The following RFX8 variants were observed in gnomAD, a reference collection of about 807,000 sequenced individuals.
RFX8 encodes the protein DNA-binding protein RFX8.
Under a neutral mutation model 54.6 loss-of-function variants are expected in RFX8, and 46 were observed. That is an observed-to-expected ratio of 0.84 (90% confidence interval 0.67 to 1.08). The LOEUF (loss-of-function observed/expected upper bound fraction) is 1.08. Among genes scored for constraint, RFX8 ranks in the 50% least tolerant of loss-of-function variants. The pLI is 0.00. For synonymous variants in RFX8, 192 were observed against 209.5 expected, an observed-to-expected ratio of 0.92 and a Z score of 0.72; for missense variants, 536 against 562.3, an observed-to-expected ratio of 0.95 and a Z score of 0.47.
chr2:101,458,060 T>C (rs1411320998), intron 2 of RFX8, among the ~76,000 whole-genome samples: 1 of 152,174 alleles, frequency 6.6e-6, no homozygotes, highest in African/African-American at 2.4e-5. Flanking sequence ...TTGCATTTGC[T>C]TGGTAGATCT....
intron 9 of RFX8, among the ~76,000 whole-genome samples, chr2:101,408,281 G>T (rs13409413): frequency 3.3e-5 from 5 of 151,980 alleles, no homozygotes; most frequent in East Asian, 1.9e-4. Context: ...GTCAGGAGAT[G>T]GAGACCATCC....
chr2:101,425,420 C>A (rs1482110567), intron 2 of RFX8, among the ~76,000 whole-genome samples: 1 of 152,148 alleles, frequency 6.6e-6, no homozygotes, highest in Non-Finnish European at 1.5e-5. Flanking sequence ...CTTCTGCATG[C>A]CCATGTTGAG....
chr2:101,397,754 G>A, intron 11 of RFX8, 30 bp from the exon 12 acceptor site: 1 of 1,516,434 alleles, frequency 6.6e-7, no homozygotes. Flanking sequence ...TAAGGGAAAA[G>A]ATAAAAAGAG....
At chr2:101,460,743 C>CT (rs1197006275) in intron 2 of RFX8, among the ~76,000 whole-genome samples, 163 of 140,902 alleles carry the variant, frequency 1.2e-3, no homozygotes, top group Middle Eastern at 3.6e-3. Flanking sequence ...CTCTTTCTTT[C>CT]TTTTTTTTTT....
At chr2:101,424,259 A>G (rs1573399121) in intron 2 of RFX8, among the ~76,000 whole-genome samples, 2 of 152,232 alleles carry the variant, frequency 1.3e-5, no homozygotes, top group South Asian at 4.1e-4. Flanking sequence ...CAACAGACAC[A>G]TGAAAAAATG....
Position 101,414,941 on chromosome 2 carries a change from A to G in RFX8, c.503-29T>C, listed in dbSNP as rs531816533. The G allele has an allele frequency of 1.5e-5, 23 of 1,512,560 alleles. 1 individual carries two copies. In the South Asian group the frequency reaches 2.6e-4, roughly 17 times the overall value. The allele number at this position is 1,512,560 out of a possible 1,614,324, so 93.7% of individuals were successfully genotyped here. ...TTAAGAACAACACACGTGGCCATTA[A>G]TACAATAACTTCAAGTTCTCATGTG... On this transcript the variant is annotated intron_variant, in intron 6 of 11. Coordinates refer to ENST00000428343, the MANE Select transcript of RFX8 (RefSeq NM_001145664.2).
At chr2:101,417,920 T>C (rs1686628366) in intron 5 of RFX8, among the ~76,000 whole-genome samples, 1 of 152,182 alleles carries the variant, frequency 6.6e-6, no homozygotes, top group Admixed American at 6.5e-5. Context: ...AGACGGAGTC[T>C]TGTTCTGTCA....
rs151110808 is a variant in RFX8, at chr2:101,465,818, C to T, written c.72+959G>A. The stretch of plus-strand genomic sequence containing the variant: ...AACAGTAGCCAAAAAAAGGTAAGCG[C>T]TCTTGACCTTTGAGCACATCTGAGG... On this transcript the variant is annotated intron_variant, in intron 2 of 11. Coordinates refer to ENST00000428343, the MANE Select transcript of RFX8 (RefSeq NM_001145664.2). 1.6e-4 allele frequency among the ~76,000 whole-genome samples: 25 copies of T among 152,238 alleles called. No homozygotes were observed. The East Asian group carries it at 4.6e-3, about 28-fold the overall frequency.
At chr2:101,467,492 T>C (rs1225423324) in intron 1 of RFX8, among the ~76,000 whole-genome samples, 1 of 152,162 alleles carries the variant, frequency 6.6e-6, no homozygotes, top group African/African-American at 2.4e-5. Context: ...AGGTGTAAAA[T>C]GCAAGACATC....
At chr2:101,413,537 A>G (rs1176668355) in intron 7 of RFX8, among the ~76,000 whole-genome samples, 1 of 152,146 alleles carries the variant, frequency 6.6e-6, no homozygotes, top group Non-Finnish European at 1.5e-5. Flanking sequence ...AATGGGGACT[A>G]TCTAGTCCCC....
intron 10 of RFX8, among the ~76,000 whole-genome samples, chr2:101,403,035 C>T (rs1360938750): frequency 6.6e-6 from 1 of 152,192 alleles, no homozygotes; most frequent in African/African-American, 2.4e-5. Context: ...GCAAACCCTA[C>T]AGGGAACTGG....
rs193103953 is a variant in RFX8 at position 101,425,506 on chromosome 2, C to G, written c.73-3034G>C. ...ACATTTCACCATGGCACATACAACACAGTTTCGCCTGTTCAGAAGAAAACA... is the reference window on the plus strand; with the variant it reads ...ACATTTCACCATGGCACATACAACAGAGTTTCGCCTGTTCAGAAGAAAACA... On this transcript the variant is annotated intron_variant, in intron 2 of 11. Coordinates refer to ENST00000428343, the MANE Select transcript of RFX8 (RefSeq NM_001145664.2). Among the ~76,000 whole-genome samples the G allele has an allele frequency of 1.2e-3, 189 of 152,286 alleles. 1 individual carries two copies. The highest frequency in any genetic ancestry group is 4.3e-3 in the African/African-American group (179 of 41,548).
At chr2:101,450,443 G>A in intron 2 of RFX8, 1 of 528,296 alleles carries the variant, frequency 1.9e-6, no homozygotes, top group Non-Finnish European at 3.4e-6. Context: ...GGCTGGTCTT[G>A]AACTACTGAA....
intron 9 of RFX8, among the ~76,000 whole-genome samples, chr2:101,408,635 G>C (rs773037809): frequency 3.2e-4 from 49 of 152,230 alleles, no homozygotes; most frequent in Non-Finnish European, 5.6e-4. Flanking sequence ...TCTGGACATG[G>C]TCACTGCTGT....
At chr2:101,465,046 C>T (rs973932490) in intron 2 of RFX8, among the ~76,000 whole-genome samples, 11 of 152,108 alleles carry the variant, frequency 7.2e-5, no homozygotes, top group Non-Finnish European at 1.5e-5. Context: ...AAAATATGAC[C>T]TGGATGATAG....
At chr2:101,448,230 G>C (rs1320466265) in intron 2 of RFX8, among the ~76,000 whole-genome samples, 1 of 152,094 alleles carries the variant, frequency 6.6e-6, no homozygotes, top group Non-Finnish European at 1.5e-5. Flanking sequence ...TGCCCTTGTG[G>C]ATATTCCACC....
intron 1 of RFX8, among the ~76,000 whole-genome samples, chr2:101,472,911 C>T (rs116744227): frequency 3.7e-4 from 56 of 151,860 alleles, no homozygotes; most frequent in African/African-American, 1.2e-3. Flanking sequence ...CCAGCTACTA[C>T]GGAAGGATAA....
chr2:101,401,820 T>C (rs1170415207), intron 11 of RFX8, among the ~76,000 whole-genome samples: 2 of 152,168 alleles, frequency 1.3e-5, no homozygotes, highest in East Asian at 1.9e-4. Context: ...GGGGCTCCAA[T>C]CTCTGTTCCA....
At chr2:101,401,512 C>T (rs1309219804) in intron 11 of RFX8, among the ~76,000 whole-genome samples, 1 of 152,194 alleles carries the variant, frequency 6.6e-6, no homozygotes, top group East Asian at 1.9e-4. Flanking sequence ...CTAAGCACAA[C>T]TCATCTGTGC....
Sources: gnomAD v4.1 joint callset for allele counts (sites outside exome capture counted in the v4.1 genomes callset) on GRCh38, gnomAD v4.1.1 for gene constraint, MANE v1.5 for transcripts, NCBI Gene and HGNC (gene_info 2026-07-23, HGNC 2026-07-21) for gene names.